ARNT2: variants seen among roughly 807,000 people sequenced by gnomAD.
ARNT2 encodes the protein aryl hydrocarbon receptor nuclear translocator 2.
A neutral mutation model predicts 91.7 loss-of-function variants in ARNT2; 36 were observed. The observed-to-expected ratio is 0.39, with a 90% CI of 0.30 to 0.52. ARNT2 has a LOEUF of 0.52. Ranked by LOEUF, ARNT2 falls within the 20% of genes least tolerant of loss-of-function variation. The pLI is 0.72. For synonymous variants in ARNT2, 365 were observed against 347.1 expected, an observed-to-expected ratio of 1.05 and a Z score of -0.57; for missense variants, 775 against 939.3, an observed-to-expected ratio of 0.83 and a Z score of 2.29.
chr15:80,483,990 A>G (rs1896928301), intron 5 of ARNT2, among the ~76,000 whole-genome samples: 1 of 152,246 alleles, frequency 6.6e-6, no homozygotes, highest in African/African-American at 2.4e-5. Context: ...CTGGGGTATC[A>G]GTTCTGGAAA....
rs547806075 is a variant in ARNT2, at chr15:80,530,294, G to A, written c.877+15889G>A. Among the ~76,000 whole-genome samples the A allele has an allele frequency of 3.9e-5, 6 of 152,292 alleles. No individual in the cohort carries two copies. The East Asian group carries it at 7.7e-4, about 20-fold the overall frequency. ...TCTGTACATGAGGACCAAGGCTGAC[G>A]GTGGGAAGATAACTAAAGTCACAAA... On this transcript the variant is annotated intron_variant, in intron 8 of 18. Coordinates refer to ENST00000303329, the MANE Select transcript of ARNT2 (RefSeq NM_014862.4).
rs763151053 is a variant in ARNT2 at position 80,552,628 on chromosome 15, T to C, written c.955-12T>C. ...TCAACACCACCTCAACTGTGGATTT[T>C]CCCCATCCCAGGTGACCAGCTCTCC... On this transcript the variant is annotated splice_polypyrimidine_tract_variant and intron_variant, in intron 9 of 18. Coordinates refer to ENST00000303329, the MANE Select transcript of ARNT2 (RefSeq NM_014862.4). 9.3e-6 allele frequency: 15 copies of C among 1,613,146 alleles called. No individual in the cohort carries two copies. Among genetic ancestry groups the C allele is most frequent in the Non-Finnish European group, 1.2e-5 (14 of 1,179,454 alleles).
At chr15:80,464,317 G>A (rs890988938) in intron 3 of ARNT2, among the ~76,000 whole-genome samples, 1 of 151,068 alleles carries the variant, frequency 6.6e-6, no homozygotes, top group East Asian at 2.0e-4. Context: ...CCGATTGGGG[G>A]CTGGGGGTGG....
chr15:80,527,764 T>C (rs1395207296), intron 8 of ARNT2, among the ~76,000 whole-genome samples: 1 of 152,210 alleles, frequency 6.6e-6, no homozygotes, highest in African/African-American at 2.4e-5. Context: ...AAAACTAGGC[T>C]TTTTGATGCC....
rs1896780367 is a variant in ARNT2 at position 80,475,056 on chromosome 15, T to C, written c.455T>C (p.Val152Ala). 2 of 1,614,204 alleles carry C rather than the reference T, an allele frequency of 1.2e-6. No homozygotes were observed. Among genetic ancestry groups the C allele is most frequent in the Non-Finnish European group, 1.7e-6 (2 of 1,180,052 alleles). The change falls in exon 5 of 19, where the codon GTG becomes GCG. Residue 152 changes from valine to alanine, a missense_variant. Transcript: ENST00000303329. ...GAAGCAGCTGATGGATTTCTGTTTG[T>C]GGTGGCTGCTGAGACAGGGCGAGTG... ...ILEAADGFLF[V>A]VAAETGRVIY...
chr15:80,442,160 A>C (rs976213880), intron 1 of ARNT2, among the ~76,000 whole-genome samples: 2 of 152,216 alleles, frequency 1.3e-5, no homozygotes, highest in African/African-American at 2.4e-5. Context: ...TGAACAAGAA[A>C]GCATACCCCT....
intron 5 of ARNT2, among the ~76,000 whole-genome samples, chr15:80,498,306 A>C (rs1157490102): frequency 6.6e-6 from 1 of 152,194 alleles, no homozygotes; most frequent in African/African-American, 2.4e-5. Flanking sequence ...GAGGAGCTTA[A>C]GTGACTGGCA....
chr15:80,565,541 T>G (rs1006646805), intron 12 of ARNT2, among the ~76,000 whole-genome samples: 6 of 151,588 alleles, frequency 4.0e-5, no homozygotes, highest in Non-Finnish European at 7.4e-5. Flanking sequence ...TGTTATTGTT[T>G]TTTTTTTTTT....
At chr15:80,472,268 C>T (rs1373772640) in intron 4 of ARNT2, among the ~76,000 whole-genome samples, 1 of 151,986 alleles carries the variant, frequency 6.6e-6, no homozygotes, top group Non-Finnish European at 1.5e-5. Context: ...CTGGTATTAT[C>T]AAGAGGGACT....
intron 1 of ARNT2, among the ~76,000 whole-genome samples, chr15:80,414,781 T>G (rs1056988118): frequency 2.0e-5 from 3 of 148,988 alleles, no homozygotes; most frequent in African/African-American, 5.1e-5. Flanking sequence ...TTTTTTTTTT[T>G]GAAAATATTT....
At chr15:80,562,225 G>A (rs938146140) in intron 11 of ARNT2, among the ~76,000 whole-genome samples, 2 of 152,004 alleles carry the variant, frequency 1.3e-5, no homozygotes, top group Non-Finnish European at 2.9e-5. Context: ...CAGGCATGGG[G>A]CCTGGCTGGT....
chr15:80,427,951 C>G (rs1895955303), intron 1 of ARNT2, among the ~76,000 whole-genome samples: 1 of 152,252 alleles, frequency 6.6e-6, no homozygotes. Flanking sequence ...TGAAGGGTCT[C>G]TCTCTCCCAC....
At chr15:80,466,198 T>C (rs1370872931) in intron 3 of ARNT2, among the ~76,000 whole-genome samples, 1 of 152,236 alleles carries the variant, frequency 6.6e-6, no homozygotes, top group East Asian at 1.9e-4. Context: ...TTTCGTATTC[T>C]TTAACTAAGA....
chr15:80,420,974 T>C lies in ARNT2; in HGVS notation c.31+16428T>C, dbSNP rs1338336310. On this transcript the variant is annotated intron_variant, in intron 1 of 18. Coordinates refer to ENST00000303329, the MANE Select transcript of ARNT2 (RefSeq NM_014862.4). ...TGCACACATGTTTATTACAGCACAA[T>C]TCACAATTGCAAAGATAGGGAACCA... Among the ~76,000 whole-genome samples the C allele has an allele frequency of 2.0e-5, 3 of 152,262 alleles. No individual in the cohort carries two copies. The East Asian group carries it at 5.8e-4, about 29-fold the overall frequency.
At chr15:80,568,704 T>C (rs1012304918) in intron 12 of ARNT2, among the ~76,000 whole-genome samples, 6 of 152,178 alleles carry the variant, frequency 3.9e-5, no homozygotes, top group African/African-American at 1.4e-4. Flanking sequence ...CCTGGATCCC[T>C]CCCTCTCATT....
chr15:80,472,955 C>T lies in ARNT2; in HGVS notation c.409-2055C>T, dbSNP rs939152756. Among the ~76,000 whole-genome samples the T allele has an allele frequency of 6.6e-5, 10 of 152,112 alleles. No individual in the cohort carries two copies. The East Asian group carries it at 1.2e-3, about 18-fold the overall frequency. The stretch of plus-strand genomic sequence containing the variant: ...AAGTGACTGAGGATTATGAAAGTGG[C>T]GTGAAGAGAGAAGGCAGCTATGCAG... On this transcript the variant is annotated intron_variant, in intron 4 of 18. Transcript: ENST00000303329.
chr15:80,568,947 C>T (rs1383311127), intron 12 of ARNT2, among the ~76,000 whole-genome samples: 3 of 152,210 alleles, frequency 2.0e-5, no homozygotes, highest in Admixed American at 6.5e-5. Flanking sequence ...CGCACACACA[C>T]GCGCGTGCAC....
intron 2 of ARNT2, among the ~76,000 whole-genome samples, chr15:80,455,072 C>T (rs1247277066): frequency 2.0e-5 from 3 of 152,098 alleles, no homozygotes; most frequent in Admixed American, 2.0e-4. Context: ...GGATGATTTA[C>T]TTAGACTTAT....
chr15:80,497,675 A>G (rs1386399151), intron 5 of ARNT2, among the ~76,000 whole-genome samples: 1 of 152,232 alleles, frequency 6.6e-6, no homozygotes, highest in Non-Finnish European at 1.5e-5. Flanking sequence ...GGGCAGTAGC[A>G]TTCCCTGTGC....
Sources: gnomAD v4.1 joint callset for allele counts (sites outside exome capture counted in the v4.1 genomes callset) on GRCh38, gnomAD v4.1.1 for gene constraint, MANE v1.5 for transcripts, NCBI Gene and HGNC (gene_info 2026-07-23, HGNC 2026-07-21) for gene names.